ZDHHC23: variants seen among roughly 807,000 people sequenced by gnomAD.
ZDHHC23 encodes zDHHC palmitoyltransferase 23, also known as palmitoyltransferase ZDHHC23.
A neutral mutation model predicts 40.2 loss-of-function variants in ZDHHC23; 41 were observed. That is an observed-to-expected ratio of 1.02 (90% CI 0.79 to 1.32). The LOEUF is 1.32. ZDHHC23 is among the 40% of genes most tolerant of loss of function. The probability of loss-of-function intolerance (pLI) is 0.00; values close to 1 mark genes in which losing one functional copy is unlikely to be tolerated. For synonymous variants in ZDHHC23, 204 were observed against 210.2 expected, an observed-to-expected ratio of 0.97 and a Z score of 0.26; for missense variants, 471 against 541.5, an observed-to-expected ratio of 0.87 and a Z score of 1.29.
chr3:113,953,316 C>T (rs1938861258), intron 2 of ZDHHC23, among the ~76,000 whole-genome samples: 1 of 152,166 alleles, frequency 6.6e-6, no homozygotes, highest in South Asian at 2.1e-4. Flanking sequence ...TGTTTGATCA[C>T]AAGAGTTTAT....
chr3:113,950,775 C>A lies in ZDHHC23; in HGVS notation c.161+1812C>A, dbSNP rs138829308. On this transcript the variant is annotated intron_variant, in intron 2 of 4. Transcript: ENST00000638807. Reference sequence around the variant, plus strand: ...TCAGATATGGATGAGTTTCAAGATACGATTCATCCTGAGACAAGTTCTCCT... The same window carrying A: ...TCAGATATGGATGAGTTTCAAGATAAGATTCATCCTGAGACAAGTTCTCCT... Among the ~76,000 whole-genome samples, 32 of 152,264 alleles carry A rather than the reference C, an allele frequency of 2.1e-4. No homozygotes were observed. The East Asian group carries it at 5.6e-3, about 27-fold the overall frequency.
Position 113,956,502 on chromosome 3 carries a change from T to C in ZDHHC23, c.1036T>C (p.Tyr346His). The change falls in exon 4 of 5, where the codon TAC (tyrosine) becomes CAC (histidine). Residue 346 changes from tyrosine to histidine, a missense_variant. Physicochemically the swap from Tyr to His is moderately conservative, Grantham distance 83 (BLOSUM62 2). Coordinates refer to ENST00000638807, the MANE Select transcript of ZDHHC23 (RefSeq NM_001320466.2). Reference sequence around the variant, plus strand: ...CTATTGTCCTGGAGTTTATGCAAATTACAGGTGAGCAGTGGGTACCACAGT... The same window carrying C: ...CTATTGTCCTGGAGTTTATGCAAATCACAGGTGAGCAGTGGGTACCACAGT... Reference protein sequence around the residue: ...LFYCPGVYANYSSALSFTCVW... With the variant: ...LFYCPGVYANHSSALSFTCVW... 1 of 1,612,660 alleles carries C rather than the reference T, an allele frequency of 6.2e-7. No homozygotes were observed. Among genetic ancestry groups the C allele is most frequent in the Non-Finnish European group, 8.5e-7 (1 of 1,179,558 alleles).
At chr3:113,950,064 C>T (rs1938513520) in intron 2 of ZDHHC23, among the ~76,000 whole-genome samples, 1 of 152,196 alleles carries the variant, frequency 6.6e-6, no homozygotes, top group Non-Finnish European at 1.5e-5. Context: ...CTCTTCCTCC[C>T]TCCTAGCCCT....
At chr3:113,967,098 TCAAAAAAAGAAAAAAA>T, downstream of ZDHHC23, among the ~76,000 whole-genome samples, 1 of 131,510 alleles carries the variant, frequency 7.6e-6, no homozygotes, top group South Asian at 2.6e-4. Flanking sequence ...GACTCTTGTC[TCAAAAAAAGAAAAAAA>T]GAAAAAAAGA....
chr3:113,952,724 G>A (rs1438052830), intron 2 of ZDHHC23, among the ~76,000 whole-genome samples: 1 of 152,232 alleles, frequency 6.6e-6, no homozygotes, highest in Non-Finnish European at 1.5e-5. Flanking sequence ...CAGTTCTGGA[G>A]GCTGTGAAGT....
At chr3:113,968,108 T>C (rs1196822386), downstream of ZDHHC23, among the ~76,000 whole-genome samples, 1 of 152,220 alleles carries the variant, frequency 6.6e-6, no homozygotes, top group African/African-American at 2.4e-5. Context: ...CATGCAAATA[T>C]CTCTTGGATG....
downstream of ZDHHC23, chr3:113,965,190 A>C: frequency 6.2e-7 from 1 of 1,608,882 alleles, no homozygotes; most frequent in Admixed American, 1.7e-5. Flanking sequence ...CTCAAGGACC[A>C]AGTATCTGAT....
chr3:113,978,773 C>G, the ZDHHC23 span: 1 of 1,421,366 alleles, frequency 7.0e-7, no homozygotes. Context: ...ACATAATGAC[C>G]CTGGACATTC....
At chr3:113,978,448 C>T in the ZDHHC23 span, 1 of 1,038,842 alleles carries the variant, frequency 9.6e-7, no homozygotes, top group Non-Finnish European at 1.4e-6. Flanking sequence ...ACACTAGAGA[C>T]ATACAAAGAA....
chr3:113,978,863 G>A, the ZDHHC23 span: 1 of 1,613,830 alleles, frequency 6.2e-7, no homozygotes, highest in Non-Finnish European at 8.5e-7. Flanking sequence ...CTTACCTGTA[G>A]CCAGCTCTGG....
rs745852009 is a variant in ZDHHC23, at chr3:113,948,903, A to T, written c.101A>T (p.Glu34Val). 12 of 1,614,192 alleles carry T rather than the reference A, an allele frequency of 7.4e-6. No individual in the cohort carries two copies. Among genetic ancestry groups the T allele is most frequent in the Non-Finnish European group, 1.0e-5 (12 of 1,180,024 alleles). The change falls in exon 2 of 5, where the codon GAA (glutamate) becomes GTA (valine). Residue 34 changes from glutamate to valine, a missense_variant. By Grantham distance (121) the Glu-to-Val change is moderately radical (BLOSUM62 -2). Transcript: ENST00000638807. ...TGCGAGTACATAGATCGGAATGGGG[A>T]AAAGAACCACGTGGCTACTTGTTTG... ...CCCEYIDRNGEKNHVATCLCD... is the reference protein window; with the variant it reads ...CCCEYIDRNGVKNHVATCLCD...
chr3:113,976,061 A>G, the ZDHHC23 span, among the ~76,000 whole-genome samples: 1 of 151,998 alleles, frequency 6.6e-6, no homozygotes, highest in African/African-American at 2.4e-5. Context: ...GTTTGAGATC[A>G]GCCTGGGCAG....
chr3:113,954,853 C>T (rs906190099), intron 3 of ZDHHC23, among the ~76,000 whole-genome samples: 1 of 152,146 alleles, frequency 6.6e-6, no homozygotes, highest in African/African-American at 2.4e-5. Flanking sequence ...CATACTTAAT[C>T]GTTTTTGATG....
the ZDHHC23 span, chr3:113,978,751 G>T: frequency 8.2e-7 from 1 of 1,226,232 alleles, no homozygotes; most frequent in Non-Finnish European, 1.2e-6. Flanking sequence ...CTACTCTTTT[G>T]TTCTTGAAAA....
chr3:113,959,882 G>T lies in ZDHHC23; in HGVS notation c.*1252G>T. On this transcript the variant is annotated 3_prime_UTR_variant, in exon 5 of 5. Coordinates refer to ENST00000638807, the MANE Select transcript of ZDHHC23 (RefSeq NM_001320466.2). Reference sequence around the variant, plus strand: ...TCCCTGGCTCTTCCGACAATAACAAGTTGTTTCTTTAATCATATCTTAAAA... The same window carrying T: ...TCCCTGGCTCTTCCGACAATAACAATTTGTTTCTTTAATCATATCTTAAAA... 1 of 999,256 alleles carries T rather than the reference G, an allele frequency of 1.0e-6. No homozygotes were observed. 61.9% of individuals were successfully genotyped at this position (999,256 alleles called of 1,614,324 possible).
Position 113,954,280 on chromosome 3 carries a change from A to G in ZDHHC23, c.742A>G (p.Met248Val). The G allele has an allele frequency of 6.2e-7, 1 of 1,614,094 alleles. No homozygotes were observed. Among genetic ancestry groups the G allele is most frequent in the Non-Finnish European group, 8.5e-7 (1 of 1,179,940 alleles). ...GGATGACCCCAAGGGCTCTTCCAAG[A>G]TGCCAGCTGGAAGCCCCACCAAAGC... ...TKDDPKGSSKMPAGSPTKAKE... is the reference protein window; with the variant it reads ...TKDDPKGSSKVPAGSPTKAKE... The change falls in exon 3 of 5, where the codon ATG (methionine) becomes GTG (valine). Residue 248 changes from methionine (M) to valine (V), a missense_variant. Met to Val is a conservative substitution (Grantham distance 21, BLOSUM62 1). Transcript: ENST00000638807.
At chr3:113,974,260 G>C in the ZDHHC23 span, among the ~76,000 whole-genome samples, 1 of 151,230 alleles carries the variant, frequency 6.6e-6, no homozygotes, top group Middle Eastern at 3.4e-3. Context: ...TCTCATTAGG[G>C]TTAGTCACTG....
rs1008167235 is a variant in ZDHHC23, at chr3:113,962,921, T to C, written c.*4291T>C. On this transcript the variant is annotated 3_prime_UTR_variant, in exon 5 of 5. Transcript: ENST00000638807. ...ATTTTACAAATTACTTCCATTTATG[T>C]AAAATAACGTCCTGTGACCAAGTTG... 5 of 152,218 alleles carry C rather than the reference T, an allele frequency of 3.3e-5. No individual in the cohort carries two copies. The highest frequency in any genetic ancestry group is 1.2e-4 in the African/African-American group (5 of 41,460). The allele number at this position is 152,218 out of a possible 1,614,324, so 9.4% of individuals were successfully genotyped here. A position where few individuals can be genotyped will look rare whatever the true frequency, so the allele number is the denominator to read the frequency against.
Position 113,959,910 on chromosome 3 carries a change from G to A in ZDHHC23, c.*1280G>A, listed in dbSNP as rs1240443409. The A allele has an allele frequency of 7.0e-6, 7 of 999,140 alleles. No homozygotes were observed. Among genetic ancestry groups the A allele is most frequent in the African/African-American group, 3.4e-5 (2 of 58,040 alleles). 61.9% of individuals were successfully genotyped at this position (999,140 alleles called of 1,614,324 possible). A position where few individuals can be genotyped will look rare whatever the true frequency, so the allele number is the denominator to read the frequency against. The stretch of plus-strand genomic sequence containing the variant: ...GTTTCTTTAATCATATCTTAAAACC[G>A]AAAATGTATAAAAGATTAAATATTT... On this transcript the variant is annotated 3_prime_UTR_variant, in exon 5 of 5. Coordinates refer to ENST00000638807, the MANE Select transcript of ZDHHC23 (RefSeq NM_001320466.2).
Sources: gnomAD v4.1 joint callset for allele counts (sites outside exome capture counted in the v4.1 genomes callset) on GRCh38, gnomAD v4.1.1 for gene constraint, MANE v1.5 for transcripts, NCBI Gene and HGNC (gene_info 2026-07-23, HGNC 2026-07-21) for gene names.